The following ERBB4 variants were observed in gnomAD, a reference collection of about 807,000 sequenced individuals.
The protein encoded by ERBB4 is receptor tyrosine-protein kinase erbB-4.
Under a neutral mutation model 158.0 loss-of-function variants are expected in ERBB4, and 42 were observed. The observed-to-expected ratio is 0.27, with a 90% confidence interval of 0.21 to 0.34. The LOEUF (loss-of-function observed/expected upper bound fraction) is 0.34. ERBB4 is among the 10% of genes least tolerant of loss of function. The pLI is 1.00. For missense variants in ERBB4, 1,333 were observed against 1,624.1 expected (o/e 0.82, Z 3.08); for synonymous variants, 583 against 558.7 (o/e 1.04, Z -0.61).
At chr2:211,389,835 T>G (rs1228208207) in intron 25 of ERBB4, among the ~76,000 whole-genome samples, 2 of 152,144 alleles carry the variant, frequency 1.3e-5, no homozygotes, top group African/African-American at 4.8e-5. Context: ...CTTTGTAAAC[T>G]CTACACTATT....
chr2:211,960,092 G>T (rs997960934), intron 2 of ERBB4, among the ~76,000 whole-genome samples: 4 of 152,052 alleles, frequency 2.6e-5, no homozygotes, highest in Non-Finnish European at 5.9e-5. Flanking sequence ...GTTCCACAGG[G>T]ATTTAGCACC....
chr2:212,274,402 T>G (rs1156890035), intron 1 of ERBB4, among the ~76,000 whole-genome samples: 1 of 151,842 alleles, frequency 6.6e-6, no homozygotes, highest in Non-Finnish European at 1.5e-5. Flanking sequence ...CACTTTTTAC[T>G]GACATCCACA....
At chr2:211,722,074 G>T (rs1264398578) in intron 7 of ERBB4, among the ~76,000 whole-genome samples, 1 of 152,218 alleles carries the variant, frequency 6.6e-6, no homozygotes, top group Non-Finnish European at 1.5e-5. Context: ...TATTGGTCAG[G>T]CTGGTCTCGA....
chr2:212,277,422 C>T (rs1341343614), intron 1 of ERBB4, among the ~76,000 whole-genome samples: 2 of 151,696 alleles, frequency 1.3e-5, no homozygotes, highest in Admixed American at 6.6e-5. Context: ...ATTTCACCCC[C>T]GAATAAATAA....
At chr2:211,567,660 G>A (rs1366305782) in intron 19 of ERBB4, among the ~76,000 whole-genome samples, 1 of 151,938 alleles carries the variant, frequency 6.6e-6, no homozygotes, top group Non-Finnish European at 1.5e-5. Flanking sequence ...AAAAAAGCTG[G>A]GTTTCTATTA....
intron 4 of ERBB4, among the ~76,000 whole-genome samples, chr2:211,761,190 C>CA (rs58277006): frequency 0.28 from 24,816 of 88,840 alleles, 3,433 homozygotes; most frequent in Non-Finnish European, 0.38. Context: ...TGAGATTCCT[C>CA]AAAAAAAAAA....
intron 1 of ERBB4, among the ~76,000 whole-genome samples, chr2:212,303,487 A>C (rs1324029388): frequency 6.6e-6 from 1 of 151,386 alleles, no homozygotes; most frequent in Non-Finnish European, 1.5e-5. Context: ...AACAGACTCT[A>C]TTTATCTAGC....
At chr2:212,410,138 TAC>T (rs2091455342) in intron 1 of ERBB4, among the ~76,000 whole-genome samples, 1 of 152,072 alleles carries the variant, frequency 6.6e-6, no homozygotes, top group Non-Finnish European at 1.5e-5. Context: ...TATACAGCTA[TAC>T]AATGTAATCA....
chr2:211,992,568 A>AGAGAGAGAG (rs113455518), intron 2 of ERBB4, among the ~76,000 whole-genome samples: 59 of 76,570 alleles, frequency 7.7e-4, no homozygotes, highest in African/African-American at 2.0e-3. Context: ...AGAGAGAGAG[A>AGAGAGAGAG]AAAAAAAAAA....
chr2:211,855,068 A>G (rs2077820792), intron 3 of ERBB4, among the ~76,000 whole-genome samples: 1 of 144,854 alleles, frequency 6.9e-6, no homozygotes, highest in Admixed American at 6.7e-5. Flanking sequence ...CTACACTCTT[A>G]CTTTAATTTG....
chr2:212,409,161 T>A (rs937977093), intron 1 of ERBB4, among the ~76,000 whole-genome samples: 2 of 152,104 alleles, frequency 1.3e-5, no homozygotes, highest in African/African-American at 4.8e-5. Context: ...TGAATATAGC[T>A]TGGACAGGGA....
intron 3 of ERBB4, among the ~76,000 whole-genome samples, chr2:211,818,976 A>G (rs2076935341): frequency 6.6e-6 from 1 of 152,106 alleles, no homozygotes. Context: ...AATATTTTAA[A>G]TTATTTTTTC....
At chr2:211,548,087 C>A (rs2066987855) in intron 20 of ERBB4, among the ~76,000 whole-genome samples, 1 of 152,100 alleles carries the variant, frequency 6.6e-6, no homozygotes, top group South Asian at 2.1e-4. Context: ...GCTCTATAAA[C>A]CGCCTCAATA....
chr2:211,445,000 A>G (rs1485576073), intron 20 of ERBB4, among the ~76,000 whole-genome samples: 1 of 152,162 alleles, frequency 6.6e-6, no homozygotes, highest in African/African-American at 2.4e-5. Context: ...TAGACATAAT[A>G]AAAAGCACGT....
At chr2:212,451,841 T>G (rs1333046887) in intron 1 of ERBB4, among the ~76,000 whole-genome samples, 1 of 152,144 alleles carries the variant, frequency 6.6e-6, no homozygotes, top group Admixed American at 6.6e-5. Context: ...GTCTAGTTGC[T>G]ACAGGGCGCA....
chr2:211,753,990 T>C (rs985892418), intron 4 of ERBB4, among the ~76,000 whole-genome samples: 2 of 151,536 alleles, frequency 1.3e-5, no homozygotes, highest in African/African-American at 4.8e-5. Context: ...CCCGAGTAGC[T>C]GGGACTACAG....
At chr2:211,419,543 T>A (rs2063470408) in intron 25 of ERBB4, among the ~76,000 whole-genome samples, 1 of 152,086 alleles carries the variant, frequency 6.6e-6, no homozygotes, top group African/African-American at 2.4e-5. Flanking sequence ...TTATATCTTA[T>A]CAATGGAAGA....
intron 20 of ERBB4, among the ~76,000 whole-genome samples, chr2:211,487,782 G>A (rs1271965024): frequency 1.3e-5 from 2 of 152,120 alleles, no homozygotes; most frequent in Non-Finnish European, 2.9e-5. Flanking sequence ...TTCACTGACA[G>A]TAAAGGGCTG....
chr2:212,202,538 G>A (rs1197686425), intron 1 of ERBB4, among the ~76,000 whole-genome samples: 1 of 151,646 alleles, frequency 6.6e-6, no homozygotes, highest in Non-Finnish European at 1.5e-5. Context: ...CAGGGGTCTC[G>A]CCATGTTGCC....
Sources: allele counts gnomAD v4.1 joint callset (sites outside exome capture counted in the v4.1 genomes callset), GRCh38; gene constraint gnomAD v4.1.1; transcripts MANE v1.5; gene names NCBI Gene and HGNC (gene_info 2026-07-23, HGNC 2026-07-21).